NXT1: variants seen among roughly 807,000 people sequenced by gnomAD.
The protein encoded by NXT1 is nuclear transport factor 2 like export factor 1, also known as NTF2-related export protein 1.
NXT1 carries 3 observed loss-of-function variants against 9.9 expected under a neutral mutation model. The observed-to-expected ratio is 0.30, with a 90% confidence interval of 0.14 to 0.79. The LOEUF is 0.79. Among genes scored for constraint, NXT1 ranks in the 30% least tolerant of loss-of-function variants. The pLI, the probability that NXT1 is intolerant of heterozygous loss-of-function variation, is 0.63. For missense variants in NXT1, 91 were observed against 178.2 expected (o/e 0.51, Z 2.79); for synonymous variants, 53 against 66.5 (o/e 0.80, Z 0.99).
intron 1 of NXT1, among the ~76,000 whole-genome samples, chr20:23,352,536 G>A (rs1349639318): frequency 7.0e-6 from 1 of 142,412 alleles, no homozygotes; most frequent in Non-Finnish European, 1.5e-5. Context: ...TCTTTTTTTT[G>A]AAATGAAAAA....
intron 1 of NXT1, among the ~76,000 whole-genome samples, chr20:23,353,649 A>G (rs1980331656): frequency 6.6e-6 from 1 of 152,226 alleles, no homozygotes; most frequent in Non-Finnish European, 1.5e-5. Flanking sequence ...AGTCAGCCCA[A>G]CGTATTTGCA....
At position 23,354,067 on chromosome 20, in the gene NXT1, A is replaced by G. The variant is rs749929980; in HGVS notation, c.26A>G (p.Tyr9Cys). The change falls in exon 2 of 2, where the codon TAT (tyrosine) becomes TGT (cysteine). Residue 9 changes from tyrosine (Y) to cysteine (C), a missense_variant. By Grantham distance (194) the Tyr-to-Cys change is radical. Coordinates refer to ENST00000254998, the MANE Select transcript of NXT1 (RefSeq NM_013248.3). ...ATGGCATCTGTGGATTTCAAGACCTATGTGGATCAGGCCTGCAGAGCTGCT... is the reference window on the plus strand; with the variant it reads ...ATGGCATCTGTGGATTTCAAGACCTGTGTGGATCAGGCCTGCAGAGCTGCT... MASVDFKT[Y>C]VDQACRAAEE... The G allele has an allele frequency of 2.5e-6, 4 of 1,613,684 alleles. No individual in the cohort carries two copies. Among genetic ancestry groups the G allele is most frequent in the South Asian group, 2.2e-5 (2 of 91,058 alleles).
chr20:23,354,199 C>T lies in NXT1; in HGVS notation c.158C>T (p.Ser53Leu). The T allele has an allele frequency of 2.5e-6, 4 of 1,614,254 alleles. No homozygotes were observed. Among genetic ancestry groups the T allele is most frequent in the Non-Finnish European group, 3.4e-6 (4 of 1,180,056 alleles). Residue 53 changes from serine to leucine, a missense_variant, in exon 2 of 2, where the codon TCA becomes TTA. Coordinates refer to ENST00000254998, the MANE Select transcript of NXT1 (RefSeq NM_013248.3). Reference protein sequence around the residue: ...ATLVWNGNAVSGQESLSEFFE... With the variant: ...ATLVWNGNAVLGQESLSEFFE... ...CTGGTCTGGAATGGCAATGCTGTTT[C>T]AGGACAAGAATCCTTGAGTGAGTTT... is the stretch of plus-strand genomic sequence containing the variant.
chr20:23,354,575 A>C lies in NXT1; in HGVS notation c.*111A>C. The stretch of plus-strand genomic sequence containing the variant: ...CAAGTTCATTTCTGTTGTTGCGGAG[A>C]CACTGCAGACTCCACTGTGCCGAGG... On this transcript the variant is annotated 3_prime_UTR_variant, in exon 2 of 2. Coordinates refer to ENST00000254998, the MANE Select transcript of NXT1 (RefSeq NM_013248.3). 8.2e-7 allele frequency: 1 copy of C among 1,225,536 alleles called. No individual in the cohort carries two copies. Among genetic ancestry groups the C allele is most frequent in the South Asian group, 1.6e-5 (1 of 64,304 alleles). The allele number at this position is 1,225,536 out of a possible 1,614,324, so 75.9% of individuals were successfully genotyped here.
intron 1 of NXT1, among the ~76,000 whole-genome samples, chr20:23,352,098 A>T (rs560676814): frequency 1.3e-5 from 2 of 152,336 alleles, no homozygotes; most frequent in East Asian, 3.9e-4. Context: ...ACTATACAGT[A>T]TAACAACTAT....
In NXT1 at chr20:23,354,008, ACC is replaced by A; in HGVS notation, c.-32_-31del. The A allele has an allele frequency of 6.3e-7, 1 of 1,593,810 alleles. No individual in the cohort carries two copies. Among genetic ancestry groups the A allele is most frequent in the African/African-American group, 1.3e-5 (1 of 74,576 alleles). On this transcript the variant is annotated 5_prime_UTR_variant, in exon 2 of 2. Coordinates refer to ENST00000254998, the MANE Select transcript of NXT1 (RefSeq NM_013248.3). ...CCTGGTTCCCCAAGGCAGAGGAAAT[ACC>A]CTGGTGGAGCCCTCCTTCCATAGAA...
chr20:23,353,433 A>G (rs1355251953), intron 1 of NXT1, among the ~76,000 whole-genome samples: 1 of 152,228 alleles, frequency 6.6e-6, no homozygotes, highest in African/African-American at 2.4e-5. Context: ...CAGACTGGCC[A>G]ACATGGCGAA....
rs1460638605 is a variant in NXT1 at position 23,350,828 on chromosome 20, C to G, written c.-295C>G. ...AGACCGGCTGGCCGCGCGCGGGAAG[C>G]CGCGGAACTGCGCCGGAAAGTCCCC... On this transcript the variant is annotated 5_prime_UTR_variant, in exon 1 of 2. Transcript: ENST00000254998. The G allele has an allele frequency of 6.6e-6, 1 of 152,236 alleles. No homozygotes were observed. The highest frequency in any genetic ancestry group is 1.5e-5 in the Non-Finnish European group (1 of 68,058). 9.4% of individuals were successfully genotyped at this position (152,236 alleles called of 1,614,324 possible). A position where few individuals can be genotyped will look rare whatever the true frequency, so the allele number is the denominator to read the frequency against.
chr20:23,354,363 G>T lies in NXT1; in HGVS notation c.322G>T (p.Asp108Tyr). The stretch of plus-strand genomic sequence containing the variant: ...GAAGTTTGAGGGGAACAAACAACGG[G>T]ACTTCAACCAGAACTTCATCCTGAC... ...SVKFEGNKQR[D>Y]FNQNFILTAQ... is the part of the protein sequence containing the mutation. Residue 108 changes from aspartate to tyrosine, a missense_variant, in exon 2 of 2, where the codon GAC becomes TAC. Coordinates refer to ENST00000254998, the MANE Select transcript of NXT1 (RefSeq NM_013248.3). The T allele has an allele frequency of 6.2e-7, 1 of 1,614,186 alleles. No individual in the cohort carries two copies. The highest frequency in any genetic ancestry group is 8.5e-7 in the Non-Finnish European group (1 of 1,180,036).
At position 23,350,838 on chromosome 20, in the gene NXT1, G is replaced by T. The variant is rs1177187110; in HGVS notation, c.-285G>T. The T allele has an allele frequency of 1.3e-5, 2 of 152,234 alleles. No individual in the cohort carries two copies. The highest frequency in any genetic ancestry group is 2.9e-5 in the Non-Finnish European group (2 of 68,068). The allele number at this position is 152,234 out of a possible 1,614,324, so 9.4% of individuals were successfully genotyped here. On this transcript the variant is annotated 5_prime_UTR_variant, in exon 1 of 2. Coordinates refer to ENST00000254998, the MANE Select transcript of NXT1 (RefSeq NM_013248.3). ...GCCGCGCGCGGGAAGCCGCGGAACT[G>T]CGCCGGAAAGTCCCCCGGCTCTGGG...
intron 1 of NXT1, among the ~76,000 whole-genome samples, chr20:23,351,788 C>CAGTCT (rs1230781039): frequency 2.6e-5 from 4 of 152,212 alleles, no homozygotes; most frequent in Non-Finnish European, 5.9e-5. Flanking sequence ...TTTCAGCCCT[C>CAGTCT]AGTCTAGTCT....
rs533891078 is a variant in NXT1 at position 23,353,480 on chromosome 20, C to T, written c.-61-501C>T. Among the ~76,000 whole-genome samples the T allele has an allele frequency of 4.6e-5, 7 of 152,206 alleles. No homozygotes were observed. The South Asian group carries it at 1.2e-3, about 27-fold the overall frequency. ...ATTAAAAATACAAAAGTTAGCCAGG[C>T]GTGGTGGCGGGCATCTGTATTCCCA... On this transcript the variant is annotated intron_variant, in intron 1 of 1. Coordinates refer to ENST00000254998, the MANE Select transcript of NXT1 (RefSeq NM_013248.3).
chr20:23,354,587 C>A lies in NXT1; in HGVS notation c.*123C>A. 8.9e-7 allele frequency: 1 copy of A among 1,126,898 alleles called. No homozygotes were observed. The highest frequency in any genetic ancestry group is 1.2e-6 in the Non-Finnish European group (1 of 802,838). 69.8% of individuals were successfully genotyped at this position (1,126,898 alleles called of 1,614,324 possible). A position where few individuals can be genotyped will look rare whatever the true frequency, so the allele number is the denominator to read the frequency against. On this transcript the variant is annotated 3_prime_UTR_variant, in exon 2 of 2. Coordinates refer to ENST00000254998, the MANE Select transcript of NXT1 (RefSeq NM_013248.3). ...TGTTGTTGCGGAGACACTGCAGACT[C>A]CACTGTGCCGAGGTTGAACTCTTTT...
rs1980343860 is a variant in NXT1 at position 23,354,114 on chromosome 20, T to C, written c.73T>C (p.Tyr25His). 1 of 1,614,168 alleles carries C rather than the reference T, an allele frequency of 6.2e-7. No individual in the cohort carries two copies. The highest frequency in any genetic ancestry group is 8.5e-7 in the Non-Finnish European group (1 of 1,180,042). ...RAAEEFVNVY[Y>H]TTMDKRRRLL... Reference sequence around the variant, plus strand: ...TGCTGAGGAGTTTGTCAATGTCTACTACACCACCATGGATAAGCGGCGGCG... The same window carrying C: ...TGCTGAGGAGTTTGTCAATGTCTACCACACCACCATGGATAAGCGGCGGCG... The change falls in exon 2 of 2, where the codon TAC (tyrosine) becomes CAC (histidine). Residue 25 changes from tyrosine to histidine, a missense_variant. Transcript: ENST00000254998.
intron 1 of NXT1, among the ~76,000 whole-genome samples, chr20:23,352,000 C>G (rs1980280294): frequency 6.6e-6 from 1 of 152,184 alleles, no homozygotes; most frequent in Non-Finnish European, 1.5e-5. Flanking sequence ...ATTCAACCAA[C>G]CTCAAATCAA....
chr20:23,352,747 A>G (rs1035364886), intron 1 of NXT1, among the ~76,000 whole-genome samples: 4 of 152,116 alleles, frequency 2.6e-5, no homozygotes, highest in Non-Finnish European at 5.9e-5. Context: ...CATTTCAGCT[A>G]TAGTTCATAT....
rs1980350252 is a variant in NXT1, at chr20:23,354,349, G to A, written c.308G>A (p.Gly103Glu). The change falls in exon 2 of 2, where the codon GGG becomes GAG. Residue 103 changes from glycine (G) to glutamate (E), a missense_variant. By Grantham distance (98) the Gly-to-Glu change is moderately conservative. Transcript: ENST00000254998. ...VVICGSVKFE[G>E]NKQRDFNQNF... is the part of the protein sequence containing the mutation. Reference sequence around the variant, plus strand: ...ATCTGTGGATCAGTGAAGTTTGAGGGGAACAAACAACGGGACTTCAACCAG... The same window carrying A: ...ATCTGTGGATCAGTGAAGTTTGAGGAGAACAAACAACGGGACTTCAACCAG... The A allele has an allele frequency of 6.2e-7, 1 of 1,614,174 alleles. No homozygotes were observed. Among genetic ancestry groups the A allele is most frequent in the Non-Finnish European group, 8.5e-7 (1 of 1,180,038 alleles).
At chr20:23,351,960 C>G (rs1254027160) in intron 1 of NXT1, among the ~76,000 whole-genome samples, 1 of 152,198 alleles carries the variant, frequency 6.6e-6, no homozygotes, top group Non-Finnish European at 1.5e-5. Flanking sequence ...AAACACAGCG[C>G]TTCTTAGTCG....
In NXT1 at chr20:23,354,681, T is replaced by A. The variant is rs1348959231; in HGVS notation, c.*217T>A. On this transcript the variant is annotated 3_prime_UTR_variant, in exon 2 of 2. Coordinates refer to ENST00000254998, the MANE Select transcript of NXT1 (RefSeq NM_013248.3). ...GTTTGTCATAGTTTCCTTTTCAAAG[T>A]AGTAAACTTTTCTATTTTTCTACTT... 1.8e-6 allele frequency: 1 copy of A among 557,568 alleles called. No homozygotes were observed. The highest frequency in any genetic ancestry group is 3.2e-6 in the Non-Finnish European group (1 of 314,808). The allele number at this position is 557,568 out of a possible 1,614,324, so 34.5% of individuals were successfully genotyped here. A position where few individuals can be genotyped will look rare whatever the true frequency, so the allele number is the denominator to read the frequency against.
Sources: allele counts gnomAD v4.1 joint callset (sites outside exome capture counted in the v4.1 genomes callset), GRCh38; gene constraint gnomAD v4.1.1; transcripts MANE v1.5; gene names NCBI Gene and HGNC (gene_info 2026-07-23, HGNC 2026-07-21).